The following ASGR2 variants were observed in gnomAD, a reference collection of about 807,000 sequenced individuals.
ASGR2 encodes the protein asialoglycoprotein receptor 2.
Under a neutral mutation model 32.3 loss-of-function variants are expected in ASGR2, and 34 were observed. The observed-to-expected ratio is 1.05, with a 90% CI of 0.80 to 1.40. The LOEUF (loss-of-function observed/expected upper bound fraction) is 1.40. Ranked by LOEUF, ASGR2 falls within the 40% of genes most tolerant of loss-of-function variation. The pLI is 0.00. For missense variants in ASGR2, 385 were observed against 386.4 expected, an observed-to-expected ratio of 1.00 and a Z score of 0.03; for synonymous variants, 143 against 150.0, an observed-to-expected ratio of 0.95 and a Z score of 0.34.
At position 7,107,052 on chromosome 17, in the gene ASGR2, T is replaced by G; in HGVS notation, c.596A>C (p.Tyr199Ser). 2 of 1,614,152 alleles carry G rather than the reference T, an allele frequency of 1.2e-6. No individual in the cohort carries two copies. Among genetic ancestry groups the G allele is most frequent in the Non-Finnish European group, 1.7e-6 (2 of 1,180,026 alleles). Residue 199 changes from tyrosine (Y) to serine (S), a missense_variant, in exon 7 of 9, where the codon TAC becomes TCC. By Grantham distance (144) the Tyr-to-Ser change is moderately radical. Transcript: ENST00000691900. This position sits in a 1 kb window ranked among gnomAD's most constrained non-coding sequence, Gnocchi z 5.0. ...SGKAWAEAEK[Y>S]CQLENAHLVV... ...CAGGTGTGCGTTCTCCAGCTGGCAG[T>G]ACTTCTCCGCCTCAGCCCAGGCCTT...
At chr17:7,104,989 A>AT (rs35115466) in intron 7 of ASGR2, among the ~76,000 whole-genome samples, 2,985 of 130,018 alleles carry the variant, frequency 0.023, 72 homozygotes, top group African/African-American at 0.058. Flanking sequence ...AAAAAAAAAA[A>AT]TTTTTTTTTT....
chr17:7,107,899 C>T lies in ASGR2; in HGVS notation c.346G>A (p.Val116Met), dbSNP rs377144273. 1.6e-4 allele frequency: 251 copies of T among 1,613,636 alleles called. 1 individual carries two copies. Among genetic ancestry groups the T allele is most frequent in the Middle Eastern group, 1.3e-3 (8 of 6,080 alleles). ...VQAISTHGGSVGDKITSLGAK... is the reference protein window; with the variant it reads ...VQAISTHGGSMGDKITSLGAK... ...CCTAGGGATGTGATCTTGTCACCCA[C>T]GCTGCCTCCTGGAAGCGGAAAGCCA... Residue 116 changes from valine to methionine, a missense_variant, in exon 5 of 9, where the codon GTG becomes ATG. Coordinates refer to ENST00000691900, the MANE Select transcript of ASGR2 (RefSeq NM_001201352.2). The surrounding 1 kb of genome is among the most constrained non-coding windows in gnomAD (Gnocchi z 5.0).
Position 7,108,370 on chromosome 17 carries a change from C to T in ASGR2, c.337+92G>A. ...TGGACGCCTTGCCCAGCCTGCACCC[C>T]CACGGCACCCCACACAGCCCTGTTG... On this transcript the variant is annotated intron_variant, in intron 4 of 8. Transcript: ENST00000691900. The surrounding 1 kb of genome is among the most constrained non-coding windows in gnomAD (Gnocchi z 4.9). 1 of 1,369,644 alleles carries T rather than the reference C, an allele frequency of 7.3e-7. No homozygotes were observed. Among genetic ancestry groups the T allele is most frequent in the South Asian group, 1.4e-5 (1 of 72,560 alleles). 84.8% of individuals were successfully genotyped at this position (1,369,644 alleles called of 1,614,324 possible). A position where few individuals can be genotyped will look rare whatever the true frequency, so the allele number is the denominator to read the frequency against.
chr17:7,104,529 G>A (rs1157346814), intron 7 of ASGR2, among the ~76,000 whole-genome samples: 1 of 151,412 alleles, frequency 6.6e-6, no homozygotes, highest in Non-Finnish European at 1.5e-5. Context: ...GCAGGCACCT[G>A]TAATCCTAGC....
At chr17:7,106,169 CTG>C (rs899872285) in intron 7 of ASGR2, among the ~76,000 whole-genome samples, 4 of 151,964 alleles carry the variant, frequency 2.6e-5, no homozygotes, top group African/African-American at 9.7e-5. Flanking sequence ...ACAGTCAAGA[CTG>C]AGAATCATTA....
rs1355169845 is a variant in ASGR2 at position 7,107,636 on chromosome 17, T to C, written c.409+200A>G. ...TGCATACACACACAACACACACATA[T>C]ACACCACACTACACACCACACACAG... On this transcript the variant is annotated intron_variant, in intron 5 of 8. Transcript: ENST00000691900. This position sits in a 1 kb window ranked among gnomAD's most constrained non-coding sequence, Gnocchi z 5.0. 5.6e-6 allele frequency: 4 copies of C among 718,094 alleles called. No individual in the cohort carries two copies. The highest frequency in any genetic ancestry group is 2.2e-5 in the Admixed American group (1 of 45,344). 44.5% of individuals were successfully genotyped at this position (718,094 alleles called of 1,614,324 possible). A position where few individuals can be genotyped will look rare whatever the true frequency, so the allele number is the denominator to read the frequency against.
chr17:7,110,321 GC>G (rs2151729572), intron 2 of ASGR2, among the ~76,000 whole-genome samples: 1 of 151,610 alleles, frequency 6.6e-6, no homozygotes, highest in South Asian at 2.1e-4. Context: ...TTCCTCCAAG[GC>G]CTTTGCATTC....
chr17:7,101,848 G>C, intron 8 of ASGR2, 108 bp from the exon 9 acceptor site: 1 of 1,425,816 alleles, frequency 7.0e-7, no homozygotes, highest in Non-Finnish European at 9.5e-7. Context: ...AGTGGAGCTG[G>C]GGTGTGCCCT....
intron 8 of ASGR2, 31 bp from the exon 9 acceptor site, chr17:7,101,771 C>G: frequency 1.9e-6 from 3 of 1,604,860 alleles, no homozygotes; most frequent in Middle Eastern, 1.7e-4. Context: ...TCGGACTCTG[C>G]CACGGTGGTG....
At chr17:7,103,416 C>T in intron 7 of ASGR2, among the ~76,000 whole-genome samples, 1 of 152,226 alleles carries the variant, frequency 6.6e-6, no homozygotes, top group East Asian at 1.9e-4. Flanking sequence ...ACACTATGTG[C>T]TGCTACCTGC....
At chr17:7,104,139 G>A (rs1184210802) in intron 7 of ASGR2, among the ~76,000 whole-genome samples, 2 of 151,714 alleles carry the variant, frequency 1.3e-5, no homozygotes, top group East Asian at 3.9e-4. Flanking sequence ...ACCTGAGATC[G>A]GGAATTGGAG....
In ASGR2 at chr17:7,102,134, G is replaced by A. The variant is rs779408045; in HGVS notation, c.711C>T (p.Gly237=). The A allele has an allele frequency of 3.7e-6, 6 of 1,614,190 alleles. No individual in the cohort carries two copies. The highest frequency in any genetic ancestry group is 5.1e-6 in the Non-Finnish European group (6 of 1,180,026). The stretch of plus-strand genomic sequence containing the variant: ...CTGTGCCATCCACCCATTTCCAAGA[G>A]CCATCACTGTCCGTGAGACCTATCC... The part of the protein sequence containing the change: ...NTWIGLTDSD[G]SWKWVDGTDY... The change falls in exon 8 of 9, where the codon GGC becomes GGT. Residue 237 remains glycine (G), a synonymous_variant. Transcript: ENST00000691900.
At chr17:7,102,871 C>T (rs1017189324) in intron 7 of ASGR2, among the ~76,000 whole-genome samples, 7 of 152,096 alleles carry the variant, frequency 4.6e-5, no homozygotes, top group East Asian at 3.8e-4. Flanking sequence ...AGGAAGACAC[C>T]GGGGTGTGAG....
chr17:7,102,249 C>T (rs750697272), intron 7 of ASGR2, 53 bp from the exon 8 acceptor site: 223 of 1,473,824 alleles, frequency 1.5e-4, no homozygotes, highest in Non-Finnish European at 2.0e-4. Context: ...TTTCTCCTCC[C>T]TCCATGCAGG....
At chr17:7,106,340 C>T (rs1447321413) in intron 7 of ASGR2, among the ~76,000 whole-genome samples, 1 of 152,176 alleles carries the variant, frequency 6.6e-6, no homozygotes, top group Admixed American at 6.5e-5. Context: ...TTCATAGTGA[C>T]GAAAGCACCG....
chr17:7,108,959 A>C lies in ASGR2; in HGVS notation c.125-71T>G. ...CCGGAGGGTAAAGACAGGGCACCGA[A>C]GCCTGAGGAGGCATAACCTGGGCGG... On this transcript the variant is annotated intron_variant, in intron 2 of 8. Coordinates refer to ENST00000691900, the MANE Select transcript of ASGR2 (RefSeq NM_001201352.2). The surrounding 1 kb of genome is among the most constrained non-coding windows in gnomAD (Gnocchi z 4.9). 8.1e-6 allele frequency: 10 copies of C among 1,241,460 alleles called. No individual in the cohort carries two copies. The highest frequency in any genetic ancestry group is 5.3e-5 in the East Asian group (1 of 18,736). 76.9% of individuals were successfully genotyped at this position (1,241,460 alleles called of 1,614,324 possible). A position where few individuals can be genotyped will look rare whatever the true frequency, so the allele number is the denominator to read the frequency against.
At chr17:7,112,046 G>A (rs1341675961) in intron 2 of ASGR2, among the ~76,000 whole-genome samples, 2 of 120,422 alleles carry the variant, frequency 1.7e-5, no homozygotes, top group East Asian at 2.8e-4. Flanking sequence ...GAGAGAGAGA[G>A]GGGAGGGGAA....
chr17:7,114,068 C>G lies in ASGR2; in HGVS notation c.124+49G>C. 6.2e-7 allele frequency: 1 copy of G among 1,610,316 alleles called. No individual in the cohort carries two copies. ...AGAGACCTCAAAGGGACAGAGCAATCATGAGCTGAGACAGAGGGGGAGCAA... is the reference window on the plus strand; with the variant it reads ...AGAGACCTCAAAGGGACAGAGCAATGATGAGCTGAGACAGAGGGGGAGCAA... On this transcript the variant is annotated intron_variant, in intron 2 of 8. Transcript: ENST00000691900. This position sits in a 1 kb window ranked among gnomAD's most constrained non-coding sequence, Gnocchi z 4.5.
At position 7,106,981 on chromosome 17, in the gene ASGR2, G is replaced by C; in HGVS notation, c.648+19C>G. The C allele has an allele frequency of 6.2e-7, 1 of 1,613,556 alleles. No individual in the cohort carries two copies. Among genetic ancestry groups the C allele is most frequent in the Non-Finnish European group, 8.5e-7 (1 of 1,179,834 alleles). ...GCCTTCCAAGGGCTTCCTCCTGCCT[G>C]TGGGAAGCGTGGCCTCACCTGCTCC... On this transcript the variant is annotated intron_variant, in intron 7 of 8. Coordinates refer to ENST00000691900, the MANE Select transcript of ASGR2 (RefSeq NM_001201352.2).
Sources: gnomAD v4.1 joint callset for allele counts (sites outside exome capture counted in the v4.1 genomes callset) on GRCh38, gnomAD v4.1.1 for gene constraint, Gnocchi (gnomAD v3.1) non-coding constraint, MANE v1.5 for transcripts, NCBI Gene and HGNC (gene_info 2026-07-23, HGNC 2026-07-21) for gene names.